The following STAM variants were observed in gnomAD, a reference collection of about 807,000 sequenced individuals.
STAM encodes signal transducing adaptor molecule.
A neutral mutation model predicts 63.4 loss-of-function variants in STAM; 16 were observed. The ratio of observed to expected loss-of-function variants is 0.25; its 90% CI spans 0.17 to 0.38. The LOEUF (loss-of-function observed/expected upper bound fraction) is 0.38. Ranked by LOEUF, STAM falls within the 10% of genes least tolerant of loss-of-function variation. The probability of loss-of-function intolerance (pLI) is 1.00; values close to 1 mark genes in which losing one functional copy is unlikely to be tolerated. For synonymous variants in STAM, 238 were observed against 223.9 expected, an observed-to-expected ratio of 1.06 and a Z score of -0.56; for missense variants, 636 against 657.1, an observed-to-expected ratio of 0.97 and a Z score of 0.35.
At chr10:17,669,783 C>T (rs116638061) in intron 2 of STAM, among the ~76,000 whole-genome samples, 4,706 of 151,226 alleles carry the variant, frequency 0.031, 86 homozygotes, top group Middle Eastern at 0.1. Flanking sequence ...CCGCAAATGC[C>T]GCCTCCCAGG....
At chr10:17,691,691 C>T (rs1266559472) in intron 5 of STAM, among the ~76,000 whole-genome samples, 1 of 152,124 alleles carries the variant, frequency 6.6e-6, no homozygotes, top group Non-Finnish European at 1.5e-5. Flanking sequence ...AACATACAGT[C>T]TGGTTGTGGA....
intron 13 of STAM, among the ~76,000 whole-genome samples, 161 bp downstream of exon 13, chr10:17,709,112 C>T (rs1554829793): frequency 6.6e-6 from 1 of 152,192 alleles, no homozygotes. Flanking sequence ...TGTGGTATTC[C>T]AGTACCAGCC....
chr10:17,673,210 A>C (rs187804963), intron 2 of STAM: 18 of 174,294 alleles, frequency 1.0e-4, no homozygotes, highest in Non-Finnish European at 1.8e-4. Flanking sequence ...TCCCAGCACT[A>C]CTTATTGTGC....
chr10:17,682,714 A>G (rs1589069329), intron 2 of STAM, among the ~76,000 whole-genome samples: 1 of 152,204 alleles, frequency 6.6e-6, no homozygotes, highest in East Asian at 1.9e-4. Flanking sequence ...AAAAATGTGT[A>G]TAATGCCATG....
chr10:17,685,809 C>T (rs1365293920), intron 4 of STAM, among the ~76,000 whole-genome samples: 3 of 152,164 alleles, frequency 2.0e-5, no homozygotes, highest in Admixed American at 2.0e-4. Context: ...TACAACTGCC[C>T]ACTCAACTGT....
chr10:17,688,530 T>C (rs2131640120), intron 5 of STAM, among the ~76,000 whole-genome samples: 1 of 152,278 alleles, frequency 6.6e-6, no homozygotes, highest in African/African-American at 2.4e-5. Flanking sequence ...TAGCGTGATC[T>C]CGGCTCACTG....
intron 8 of STAM, among the ~76,000 whole-genome samples, chr10:17,697,221 A>C (rs1187934924): frequency 6.6e-6 from 1 of 152,152 alleles, no homozygotes; most frequent in Non-Finnish European, 1.5e-5. Flanking sequence ...GAGCCATCGC[A>C]CCTGGCCTAA....
chr10:17,687,472 G>T (rs569316697), intron 4 of STAM, among the ~76,000 whole-genome samples: 6 of 151,348 alleles, frequency 4.0e-5, no homozygotes, highest in African/African-American at 1.5e-4. Context: ...TTCTGCCACA[G>T]GGTGAGACTC....
At chr10:17,709,977 T>TTTTTTTTTTTTTTTTTTTTTTTTGAG (rs1554829903) in intron 13 of STAM, among the ~76,000 whole-genome samples, 3 of 150,372 alleles carry the variant, frequency 2.0e-5, no homozygotes, top group Non-Finnish European at 2.9e-5. Context: ...GATTTTTTTT[T>TTTTTTTTTTTTTTTTTTTTTTTTGAG]AAGTTGAAAT....
In STAM at chr10:17,644,394, C is replaced by T. The variant is rs200167112; in HGVS notation, c.40+15C>T. 121 of 1,614,044 alleles carry T rather than the reference C, an allele frequency of 7.5e-5. No homozygotes were observed. Among genetic ancestry groups the T allele is most frequent in the Admixed American group, 3.3e-5 (2 of 60,014 alleles). ...TCAGGATGTTGGTAAGTGTTTTTGC[C>T]TCTCCCTGCCCATTCCTCACCGGAC... On this transcript the variant is annotated intron_variant, in intron 1 of 13. Transcript: ENST00000377524.
At chr10:17,654,214 G>GTTATTA (rs60228856) in intron 1 of STAM, among the ~76,000 whole-genome samples, 202 of 150,912 alleles carry the variant, frequency 1.3e-3, no homozygotes, top group Middle Eastern at 3.4e-3. Context: ...AGGTATTATT[G>GTTATTA]TTATTATTAT....
chr10:17,691,350 C>G (rs1835525260), intron 5 of STAM, among the ~76,000 whole-genome samples: 1 of 152,074 alleles, frequency 6.6e-6, no homozygotes, highest in South Asian at 2.1e-4. Flanking sequence ...AAACCTGTCT[C>G]TACTAAAAAT....
intron 13 of STAM, among the ~76,000 whole-genome samples, chr10:17,713,014 G>A (rs1482081412): frequency 1.3e-5 from 2 of 152,058 alleles, no homozygotes; most frequent in East Asian, 1.9e-4. Context: ...CTTTGGGACC[G>A]TTCTTGTCAA....
chr10:17,712,444 G>A (rs1249154815), intron 13 of STAM, among the ~76,000 whole-genome samples: 5 of 152,072 alleles, frequency 3.3e-5, no homozygotes, highest in Non-Finnish European at 7.4e-5. Flanking sequence ...TAATGCCTTA[G>A]GTCACCACAT....
intron 7 of STAM, chr10:17,695,977 A>T (rs1835738431): frequency 6.6e-6 from 1 of 152,060 alleles, no homozygotes; most frequent in Non-Finnish European, 1.5e-5. Context: ...GAAGGCTGTC[A>T]TTTTGCTGTG....
intron 1 of STAM, among the ~76,000 whole-genome samples, chr10:17,655,118 A>G (rs527650470): frequency 3.5e-4 from 53 of 152,004 alleles, no homozygotes; most frequent in Admixed American, 1.6e-3. Context: ...CTGTCTTTCA[A>G]TTTGCTTTGG....
At chr10:17,709,255 T>C (rs1201458334) in intron 13 of STAM, among the ~76,000 whole-genome samples, 2 of 152,254 alleles carry the variant, frequency 1.3e-5, no homozygotes, top group Non-Finnish European at 2.9e-5. Flanking sequence ...ATAATGTCTT[T>C]AATGAAATTT....
chr10:17,700,076 T>G, intron 8 of STAM, 115 bp from the exon 9 acceptor site: 1 of 741,720 alleles, frequency 1.3e-6, no homozygotes, highest in Non-Finnish European at 2.0e-6. Flanking sequence ...AATTGCGCCT[T>G]TTAGCTTGCT....
At chr10:17,685,791 G>A (rs1835270078) in intron 4 of STAM, among the ~76,000 whole-genome samples, 1 of 152,094 alleles carries the variant, frequency 6.6e-6, no homozygotes, top group African/African-American at 2.4e-5. Context: ...AGGGAGAACT[G>A]GGGACCCTAC....
Sources: allele counts gnomAD v4.1 joint callset (sites outside exome capture counted in the v4.1 genomes callset), GRCh38; gene constraint gnomAD v4.1.1; transcripts MANE v1.5; gene names NCBI Gene and HGNC (gene_info 2026-07-23, HGNC 2026-07-21).